MAP3K19: variants seen among roughly 807,000 people sequenced by gnomAD.
The protein encoded by MAP3K19 is SPS1/STE20-related protein kinase YSK4.
Under a neutral mutation model 114.4 loss-of-function variants are expected in MAP3K19, and 91 were observed. The ratio of observed to expected loss-of-function variants is 0.80; its 90% CI spans 0.67 to 0.95. The LOEUF (loss-of-function observed/expected upper bound fraction) is 0.95. Among genes scored for constraint, MAP3K19 ranks in the 40% least tolerant of loss-of-function variants. The pLI is 0.00. For missense variants in MAP3K19, 1,471 were observed against 1,573.2 expected, an observed-to-expected ratio of 0.94 and a Z score of 1.10; for synonymous variants, 518 against 530.5, an observed-to-expected ratio of 0.98 and a Z score of 0.32.
chr2:134,973,754 T>C (rs1684034034), intron 12 of MAP3K19, among the ~76,000 whole-genome samples: 1 of 152,198 alleles, frequency 6.6e-6, no homozygotes, highest in Admixed American at 6.5e-5. Context: ...TCTACCTCTT[T>C]TGTGTGGTTT....
In MAP3K19 at chr2:135,027,105, C is replaced by T. The variant is rs149473514; in HGVS notation, c.-94-2364G>A. On this transcript the variant is annotated intron_variant, in intron 3 of 12. Coordinates refer to ENST00000392915, the MANE Select transcript of MAP3K19 (RefSeq NM_025052.5). The stretch of plus-strand genomic sequence containing the variant: ...CACAAAAAATTAAAAATTAGCCGGG[C>T]ATAGTGGTATGTGCCTGTAGTTCCA... Among the ~76,000 whole-genome samples, 65 of 152,126 alleles carry T rather than the reference C, an allele frequency of 4.3e-4. 1 individual carries two copies. The East Asian group carries it at 0.011, about 26-fold the overall frequency.
chr2:134,996,805 TG>T (rs1686023582), intron 8 of MAP3K19, among the ~76,000 whole-genome samples: 1 of 152,144 alleles, frequency 6.6e-6, no homozygotes, highest in Non-Finnish European at 1.5e-5. Context: ...GAGGCCAAGA[TG>T]GGAGGATCAC....
chr2:135,011,465 A>G (rs1464945506), intron 5 of MAP3K19, among the ~76,000 whole-genome samples: 1 of 145,216 alleles, frequency 6.9e-6, no homozygotes, highest in African/African-American at 2.6e-5. Context: ...TGAACCCGGG[A>G]GGCGGAGCTT....
chr2:134,985,988 T>C lies in MAP3K19; in HGVS notation c.2884A>G (p.Asn962Asp), dbSNP rs767409340. The change falls in exon 10 of 13, where the codon AAT (asparagine) becomes GAT (aspartate). Residue 962 changes from asparagine to aspartate, a missense_variant. Physicochemically the swap from Asn to Asp is conservative, Grantham distance 23. Coordinates refer to ENST00000392915, the MANE Select transcript of MAP3K19 (RefSeq NM_025052.5). ...AATAGTTCATCTGTCAATTCTTCATTATTTACAGAGTCCATAATTTCTTGG... is the reference window on the plus strand; with the variant it reads ...AATAGTTCATCTGTCAATTCTTCATCATTTACAGAGTCCATAATTTCTTGG... Reference protein sequence around the residue: ...ISQEIMDSVNNEELTDELLGC... With the variant: ...ISQEIMDSVNDEELTDELLGC... 1 of 1,613,530 alleles carries C rather than the reference T, an allele frequency of 6.2e-7. No individual in the cohort carries two copies. Among genetic ancestry groups the C allele is most frequent in the Non-Finnish European group, 8.5e-7 (1 of 1,179,698 alleles).
chr2:135,016,601 T>C (rs1687599554), intron 5 of MAP3K19, among the ~76,000 whole-genome samples: 2 of 152,164 alleles, frequency 1.3e-5, no homozygotes, highest in African/African-American at 4.8e-5. Context: ...TTTGGCAGAA[T>C]TGACATCTTT....
chr2:135,001,218 T>C (rs1686420926), intron 6 of MAP3K19, among the ~76,000 whole-genome samples: 1 of 152,214 alleles, frequency 6.6e-6, no homozygotes, highest in African/African-American at 2.4e-5. Flanking sequence ...TTATCCAATA[T>C]TATGTTTTGT....
chr2:134,986,858 A>G lies in MAP3K19; in HGVS notation c.2014T>C (p.Cys672Arg). 6.2e-7 allele frequency: 1 copy of G among 1,614,228 alleles called. No homozygotes were observed. ...TCCCTTTCAGTCTCTCGCACATGAC[A>G]ATAAACAGGGGTCCCAAACATTTCA... The part of the protein sequence containing the change: ...IYEMFGTPVY[C>R]HVRETERDEN... The change falls in exon 10 of 13, where the codon TGT (cysteine) becomes CGT (arginine). Residue 672 changes from cysteine (C) to arginine (R), a missense_variant. Transcript: ENST00000392915.
chr2:134,991,337 CA>C, intron 9 of MAP3K19, 199 bp downstream of exon 9: 12 of 570,272 alleles, frequency 2.1e-5, no homozygotes, highest in Non-Finnish European at 2.8e-5. Flanking sequence ...CAAAACAAAA[CA>C]ACCGGTAGGC....
intron 4 of MAP3K19, chr2:135,023,309 C>A: frequency 2.5e-6 from 1 of 403,222 alleles, no homozygotes; most frequent in Non-Finnish European, 5.1e-6. Context: ...CTTCCTGAGT[C>A]CTGATGTCCC....
intron 12 of MAP3K19, among the ~76,000 whole-genome samples, chr2:134,967,873 T>G (rs975337564): frequency 5.9e-5 from 9 of 151,428 alleles, no homozygotes; most frequent in East Asian, 1.9e-4. Context: ...TTTTTTTTTA[T>G]TTTTTATTGA....
At position 134,987,463 on chromosome 2, in the gene MAP3K19, A is replaced by G. The variant is rs767794263; in HGVS notation, c.1409T>C (p.Ile470Thr). The change falls in exon 10 of 13, where the codon ATA (isoleucine) becomes ACA (threonine). Residue 470 changes from isoleucine (I) to threonine (T), a missense_variant. Transcript: ENST00000392915. ...CATTTCTGGTTTGGCTCTTTCTGCT[A>G]TTGATATTTTTATGTTTGTCTCCAT... Reference protein sequence around the residue: ...SSMETNIKISIAERAKPEMSR... With the variant: ...SSMETNIKISTAERAKPEMSR... 1.3e-5 allele frequency: 21 copies of G among 1,613,980 alleles called. No homozygotes were observed. In the East Asian group the frequency reaches 3.8e-4, roughly 29 times the overall value.
rs971734903 is a variant in MAP3K19 at position 134,964,807 on chromosome 2, G to A, written c.*43C>T. The A allele has an allele frequency of 1.4e-6, 2 of 1,470,492 alleles. No individual in the cohort carries two copies. The highest frequency in any genetic ancestry group is 1.4e-5 in the African/African-American group (1 of 72,162). 91.1% of individuals were successfully genotyped at this position (1,470,492 alleles called of 1,614,324 possible). The stretch of plus-strand genomic sequence containing the variant: ...CCATCATTCCCCACAATTAAGCAAG[G>A]GAGCATCTGCAGTGGAACTGGGAAG... On this transcript the variant is annotated 3_prime_UTR_variant, in exon 13 of 13. Coordinates refer to ENST00000392915, the MANE Select transcript of MAP3K19 (RefSeq NM_025052.5).
intron 12 of MAP3K19, among the ~76,000 whole-genome samples, chr2:134,968,610 A>G (rs1200615001): frequency 1.3e-5 from 2 of 148,398 alleles, no homozygotes; most frequent in African/African-American, 5.1e-5. Context: ...GTTGCCAGGC[A>G]GAGGGTCTCC....
intron 9 of MAP3K19, among the ~76,000 whole-genome samples, chr2:134,990,463 T>TG (rs1685483314): frequency 6.6e-6 from 1 of 150,466 alleles, no homozygotes; most frequent in African/African-American, 2.4e-5. Flanking sequence ...TTTTTTTGTT[T>TG]TTTTTTTTTG....
intron 2 of MAP3K19, among the ~76,000 whole-genome samples, chr2:135,039,630 G>T (rs192876374): frequency 6.6e-6 from 1 of 152,154 alleles, no homozygotes. Flanking sequence ...AACTTATAGA[G>T]GCATCAACTT....
chr2:134,987,537 A>G lies in MAP3K19; in HGVS notation c.1335T>C (p.Ser445=). 1 of 1,614,204 alleles carries G rather than the reference A, an allele frequency of 6.2e-7. No individual in the cohort carries two copies. Among genetic ancestry groups the G allele is most frequent in the Non-Finnish European group, 8.5e-7 (1 of 1,180,036 alleles). Residue 445 remains serine (S), a synonymous_variant, in exon 10 of 13, where the codon AGT becomes AGC. Coordinates refer to ENST00000392915, the MANE Select transcript of MAP3K19 (RefSeq NM_025052.5). ...TATCAATGGGGTCATCAAAGACTAC[A>G]CTGGATAAGCTTTTAAGTACAGTAC... ...EECTVLKSLS[S]VVFDDPIDKL...
At chr2:134,967,066 G>A (rs1423937287) in intron 12 of MAP3K19, among the ~76,000 whole-genome samples, 1 of 152,150 alleles carries the variant, frequency 6.6e-6, no homozygotes, top group Non-Finnish European at 1.5e-5. Context: ...CCAACCTGAA[G>A]CTCACAAAAG....
chr2:135,014,211 G>A (rs1233306033), intron 5 of MAP3K19, among the ~76,000 whole-genome samples: 1 of 152,018 alleles, frequency 6.6e-6, no homozygotes, highest in Non-Finnish European at 1.5e-5. Flanking sequence ...AAAATTAGCG[G>A]AGCCTGGTGG....
intron 6 of MAP3K19, among the ~76,000 whole-genome samples, chr2:135,002,466 A>G (rs1686512371): frequency 6.6e-6 from 1 of 151,960 alleles, no homozygotes; most frequent in Non-Finnish European, 1.5e-5. Context: ...CCGTGGGTAC[A>G]TAATAGGAGC....
Sources: gnomAD v4.1 joint callset for allele counts (sites outside exome capture counted in the v4.1 genomes callset) on GRCh38, gnomAD v4.1.1 for gene constraint, MANE v1.5 for transcripts, NCBI Gene and HGNC (gene_info 2026-07-23, HGNC 2026-07-21) for gene names.